Variants in TENM3 observed in about 807,000 individuals in gnomAD.
TENM3 encodes teneurin transmembrane protein 3.
TENM3 carries 63 observed loss-of-function variants against 255.1 expected under a neutral mutation model. That is an observed-to-expected ratio of 0.25 (90% confidence interval 0.20 to 0.30). TENM3 has a LOEUF of 0.30. Ranked by LOEUF, TENM3 falls within the 10% of genes least tolerant of loss-of-function variation. The probability of loss-of-function intolerance (pLI) is 1.00; values close to 1 mark genes in which losing one functional copy is unlikely to be tolerated. For missense variants in TENM3, 2,929 were observed against 3,461.1 expected (o/e 0.85, Z 3.86); for synonymous variants, 1,306 against 1,322.3 (o/e 0.99, Z 0.27).
chr4:182,209,536 G>T (rs1451288284), intron 1 of TENM3, among the ~76,000 whole-genome samples: 1 of 152,094 alleles, frequency 6.6e-6, no homozygotes, highest in Non-Finnish European at 1.5e-5. Flanking sequence ...AGCCCCCTTC[G>T]CACCAGAATA....
the TENM3 span, among the ~76,000 whole-genome samples, chr4:181,630,551 T>C: frequency 6.6e-6 from 1 of 152,192 alleles, no homozygotes; most frequent in Non-Finnish European, 1.5e-5. Context: ...TTTGTTCTCA[T>C]TGGTTTCAAA....
At chr4:182,107,128 C>A in the TENM3 span, among the ~76,000 whole-genome samples, 294 of 149,196 alleles carry the variant, frequency 2.0e-3, no homozygotes, top group African/African-American at 6.9e-3. Flanking sequence ...TTAGTACTTG[C>A]CTGAGTCTGG....
chr4:182,769,265 ATGT>A (rs1311657709), intron 22 of TENM3, among the ~76,000 whole-genome samples: 1 of 152,114 alleles, frequency 6.6e-6, no homozygotes, highest in Admixed American at 6.5e-5. Flanking sequence ...AGTTAGCCTG[ATGT>A]TTATGGAAGT....
chr4:182,365,226 TC>T (rs1251959725), intron 3 of TENM3, among the ~76,000 whole-genome samples: 1 of 152,224 alleles, frequency 6.6e-6, no homozygotes, highest in Non-Finnish European at 1.5e-5. Context: ...CTTGCCTCTG[TC>T]CCTTATTCTG....
At chr4:181,831,172 ATTCT>A in the TENM3 span, among the ~76,000 whole-genome samples, 21 of 152,136 alleles carry the variant, frequency 1.4e-4, no homozygotes, top group Non-Finnish European at 2.5e-4. Context: ...CTTACAGATA[ATTCT>A]TTAATTCTTA....
intron 17 of TENM3, 40 bp from the exon 18 acceptor site, chr4:182,738,361 A>G: frequency 1.3e-6 from 2 of 1,526,814 alleles, no homozygotes; most frequent in African/African-American, 2.8e-5. Context: ...CATTTCCCCC[A>G]GTCGTTGGAA....
the TENM3 span, among the ~76,000 whole-genome samples, chr4:181,970,392 G>A: frequency 4.6e-5 from 7 of 152,058 alleles, no homozygotes; most frequent in Admixed American, 2.0e-4. Context: ...TATCATTGCC[G>A]ACCTTAGGAT....
At chr4:181,940,867 C>T in the TENM3 span, among the ~76,000 whole-genome samples, 12 of 152,262 alleles carry the variant, frequency 7.9e-5, no homozygotes, top group Admixed American at 3.9e-4. Context: ...TCCCAGGCAA[C>T]AGTTAATGGC....
the TENM3 span, among the ~76,000 whole-genome samples, chr4:181,597,576 G>A: frequency 1.5e-4 from 22 of 151,006 alleles, no homozygotes; most frequent in African/African-American, 5.4e-4. Context: ...CTTAACAGTT[G>A]TCTATGAAAT....
intron 3 of TENM3, among the ~76,000 whole-genome samples, chr4:182,363,968 G>A (rs531054166): frequency 6.6e-6 from 1 of 152,120 alleles, no homozygotes; most frequent in East Asian, 1.9e-4. Flanking sequence ...TTCTTGTAAT[G>A]GACTGTGTCT....
chr4:182,456,722 A>G (rs1303708113), intron 3 of TENM3, among the ~76,000 whole-genome samples: 1 of 152,224 alleles, frequency 6.6e-6, no homozygotes, highest in East Asian at 1.9e-4. Context: ...AACAAGAATC[A>G]GTACACCTTC....
intron 3 of TENM3, among the ~76,000 whole-genome samples, chr4:182,412,623 T>C (rs1368022561): frequency 6.6e-6 from 1 of 152,078 alleles, no homozygotes; most frequent in Non-Finnish European, 1.5e-5. Context: ...CCCAGCACTT[T>C]GGGAGGCCGA....
At chr4:181,711,960 A>G in the TENM3 span, among the ~76,000 whole-genome samples, 1 of 152,338 alleles carries the variant, frequency 6.6e-6, no homozygotes, top group African/African-American at 2.4e-5. Flanking sequence ...AAATGTTTTC[A>G]GTGATCCCCG....
At chr4:181,631,002 G>A in the TENM3 span, among the ~76,000 whole-genome samples, 2 of 152,144 alleles carry the variant, frequency 1.3e-5, no homozygotes, top group African/African-American at 4.8e-5. Context: ...CTGAGCATAA[G>A]TGAGCTGGGT....
chr4:181,989,852 G>A, the TENM3 span, among the ~76,000 whole-genome samples: 4 of 152,126 alleles, frequency 2.6e-5, no homozygotes, highest in East Asian at 7.7e-4. Flanking sequence ...AATAATTAAA[G>A]AGTAGGTAGG....
intron 1 of TENM3, among the ~76,000 whole-genome samples, chr4:182,165,399 G>T (rs1751636784): frequency 6.6e-6 from 1 of 152,174 alleles, no homozygotes; most frequent in Non-Finnish European, 1.5e-5. Context: ...ACTTTGGAAA[G>T]ACTTCAGGTT....
the TENM3 span, among the ~76,000 whole-genome samples, chr4:182,000,800 G>T: frequency 5.3e-5 from 8 of 149,936 alleles, no homozygotes; most frequent in Non-Finnish European, 1.0e-4. Flanking sequence ...AGCGATGTTA[G>T]GCTTTGTTAG....
the TENM3 span, among the ~76,000 whole-genome samples, chr4:182,022,112 T>C: frequency 6.6e-6 from 1 of 151,712 alleles, no homozygotes; most frequent in Non-Finnish European, 1.5e-5. Flanking sequence ...ACATGTTTGT[T>C]TGTTCACAAT....
At chr4:182,612,968 A>G (rs988879134) in intron 4 of TENM3, among the ~76,000 whole-genome samples, 1 of 152,010 alleles carries the variant, frequency 6.6e-6, no homozygotes, top group Non-Finnish European at 1.5e-5. Flanking sequence ...ACAACTCTCA[A>G]CTCTTACCGC....
Sources: gnomAD v4.1 joint callset for allele counts (sites outside exome capture counted in the v4.1 genomes callset) on GRCh38, gnomAD v4.1.1 for gene constraint, MANE v1.5 for transcripts, NCBI Gene and HGNC (gene_info 2026-07-23, HGNC 2026-07-21) for gene names.